FBXL2: variants seen among roughly 807,000 people sequenced by gnomAD.
FBXL2 encodes the protein F-box and leucine rich repeat protein 2, also known as F-box/LRR-repeat protein 2.
A neutral mutation model predicts 69.2 loss-of-function variants in FBXL2; 38 were observed. That is an observed-to-expected ratio of 0.55 (90% CI 0.42 to 0.72). FBXL2 has a LOEUF of 0.72. Ranked by LOEUF, FBXL2 falls within the 30% of genes least tolerant of loss-of-function variation. FBXL2 has a pLI of 0.00. For missense variants in FBXL2, 354 were observed against 520.3 expected (o/e 0.68, Z 3.11); for synonymous variants, 192 against 201.3 (o/e 0.95, Z 0.39).
chr3:33,386,955 C>A lies in FBXL2; in HGVS notation c.*1347C>A, dbSNP rs1161303759. On this transcript the variant is annotated 3_prime_UTR_variant, in exon 15 of 15. Coordinates refer to ENST00000484457, the MANE Select transcript of FBXL2 (RefSeq NM_012157.5). ...AAGCAAGATGTGTTCCCATGACTAC[C>A]AATACCTTTATTAGGCAGTTTTAGA... 1.3e-5 allele frequency: 2 copies of A among 152,088 alleles called. No individual in the cohort carries two copies. Among genetic ancestry groups the A allele is most frequent in the Non-Finnish European group, 2.9e-5 (2 of 68,014 alleles). The allele number at this position is 152,088 out of a possible 1,614,324, so 9.4% of individuals were successfully genotyped here.
At chr3:33,306,568 C>T (rs766478320) in intron 2 of FBXL2, among the ~76,000 whole-genome samples, 2 of 152,152 alleles carry the variant, frequency 1.3e-5, no homozygotes, top group Non-Finnish European at 2.9e-5. Flanking sequence ...CAGGTCCCCT[C>T]TCCATATCTT....
At chr3:33,364,851 G>A in intron 5 of FBXL2, 132 bp downstream of exon 5, 2 of 811,966 alleles carry the variant, frequency 2.5e-6, no homozygotes, top group South Asian at 3.3e-5. Context: ...GTAATGAGAG[G>A]ACCAGGACTT....
the FBXL2 span, chr3:33,409,125 TCAAACTGC>T: frequency 9.6e-7 from 1 of 1,039,620 alleles, no homozygotes; most frequent in Non-Finnish European, 1.4e-6. Flanking sequence ...GAATAACATG[TCAAACTGC>T]CACCCAATCT....
chr3:33,398,449 CTGTGTATG>C (rs1192127052), intron 12 of FBXL2: 7 of 152,210 alleles, frequency 4.6e-5, no homozygotes, highest in African/African-American at 1.7e-4. Context: ...CCAGAGAGTA[CTGTGTATG>C]TGTGTGCACA....
chr3:33,387,690 A>G lies in FBXL2; in HGVS notation c.*2082A>G, dbSNP rs2043544466. Reference sequence around the variant, plus strand: ...ATTGATTTCTTTTGAGCCAGGATACAACCTATCATCAGTCACAGCTATTGG... The same window carrying G: ...ATTGATTTCTTTTGAGCCAGGATACGACCTATCATCAGTCACAGCTATTGG... On this transcript the variant is annotated 3_prime_UTR_variant, in exon 15 of 15. Coordinates refer to ENST00000484457, the MANE Select transcript of FBXL2 (RefSeq NM_012157.5). 6.6e-6 allele frequency: 1 copy of G among 152,216 alleles called. No individual in the cohort carries two copies. Among genetic ancestry groups the G allele is most frequent in the Non-Finnish European group, 1.5e-5 (1 of 68,056 alleles). The allele number at this position is 152,216 out of a possible 1,614,324, so 9.4% of individuals were successfully genotyped here.
At chr3:33,329,606 G>A (rs983752140) in intron 2 of FBXL2, among the ~76,000 whole-genome samples, 4 of 152,206 alleles carry the variant, frequency 2.6e-5, no homozygotes, top group Middle Eastern at 3.4e-3. Flanking sequence ...AAATCCTGTC[G>A]TTTGCAGCAA....
chr3:33,364,932 TC>T (rs2041856040), intron 5 of FBXL2, among the ~76,000 whole-genome samples: 1 of 152,062 alleles, frequency 6.6e-6, no homozygotes, highest in Non-Finnish European at 1.5e-5. Flanking sequence ...ACAAATTATT[TC>T]CCCCGGCCGA....
At chr3:33,340,224 A>G (rs2039909948) in intron 2 of FBXL2, among the ~76,000 whole-genome samples, 1 of 152,126 alleles carries the variant, frequency 6.6e-6, no homozygotes, top group Non-Finnish European at 1.5e-5. Flanking sequence ...AAGTTTGTAT[A>G]TGTATTTTTA....
At chr3:33,378,297 C>T (rs1195112494) in intron 12 of FBXL2, 150 bp downstream of exon 12, 3 of 772,716 alleles carry the variant, frequency 3.9e-6, no homozygotes, top group Non-Finnish European at 6.6e-6. Context: ...AAGGCCATGG[C>T]AGTGGATGCG....
chr3:33,415,761 AAAAC>A, the FBXL2 span, among the ~76,000 whole-genome samples: 1 of 152,008 alleles, frequency 6.6e-6, no homozygotes, highest in Non-Finnish European at 1.5e-5. Context: ...AACAAAAAAA[AAAAC>A]ACAGAACAAA....
At chr3:33,310,628 AT>A (rs747159625) in intron 2 of FBXL2, among the ~76,000 whole-genome samples, 13 of 151,894 alleles carry the variant, frequency 8.6e-5, no homozygotes, top group Middle Eastern at 3.4e-3. Flanking sequence ...ATCCTTAATT[AT>A]TTTTTGTAAG....
chr3:33,366,012 A>G lies in FBXL2; in HGVS notation c.290+1293A>G, dbSNP rs961179805. Among the ~76,000 whole-genome samples the G allele has an allele frequency of 3.9e-5, 6 of 152,190 alleles. 1 individual carries two copies. The highest frequency in any genetic ancestry group is 7.4e-5 in the Non-Finnish European group (5 of 68,022). ...TTATAATTCAAACATCTGCTATACC[A>G]TTGCTGAAAAAAAATTGATTCACAA... On this transcript the variant is annotated intron_variant, in intron 5 of 14. Transcript: ENST00000484457.
At chr3:33,347,649 G>A (rs891795510) in intron 2 of FBXL2, among the ~76,000 whole-genome samples, 1 of 152,090 alleles carries the variant, frequency 6.6e-6, no homozygotes, top group Non-Finnish European at 1.5e-5. Flanking sequence ...CAGTGTGTGA[G>A]GGTTCCCTTT....
At chr3:33,416,807 T>C in the FBXL2 span, 3 of 1,613,724 alleles carry the variant, frequency 1.9e-6, no homozygotes, top group Non-Finnish European at 2.5e-6. Flanking sequence ...TTTCCGATTA[T>C]CCAGCATCCG....
intron 2 of FBXL2, among the ~76,000 whole-genome samples, chr3:33,307,678 A>G (rs576918168): frequency 1.3e-5 from 2 of 152,054 alleles, no homozygotes; most frequent in African/African-American, 4.8e-5. Context: ...CAAACATTTC[A>G]GAGAAAATGA....
chr3:33,375,688 A>T (rs1221863694), intron 10 of FBXL2, among the ~76,000 whole-genome samples: 1 of 152,174 alleles, frequency 6.6e-6, no homozygotes, highest in African/African-American at 2.4e-5. Context: ...AATTTACCTC[A>T]TCATGTTATT....
rs1205806748 is a variant in FBXL2, at chr3:33,324,115, G to A, written c.65+26390G>A. On this transcript the variant is annotated intron_variant, in intron 2 of 14. Coordinates refer to ENST00000484457, the MANE Select transcript of FBXL2 (RefSeq NM_012157.5). The stretch of plus-strand genomic sequence containing the variant: ...CCACATAAATGTCTTCTTTTGAGAA[G>A]TGTGTGTTCATATCCTTTGCCCACT... 2.6e-5 allele frequency among the ~76,000 whole-genome samples: 4 copies of A among 152,060 alleles called. No individual in the cohort carries two copies. In the South Asian group the frequency reaches 8.3e-4, roughly 32 times the overall value.
intron 1 of FBXL2, among the ~76,000 whole-genome samples, chr3:33,287,119 A>G (rs1015876699): frequency 2.6e-5 from 4 of 152,198 alleles, no homozygotes; most frequent in Admixed American, 2.6e-4. Context: ...TGGGAGCTAT[A>G]GACTGGAGCT....
At chr3:33,332,383 A>C (rs1290394008) in intron 2 of FBXL2, among the ~76,000 whole-genome samples, 3 of 152,240 alleles carry the variant, frequency 2.0e-5, no homozygotes, top group Non-Finnish European at 2.9e-5. Context: ...GTTCCTTGAA[A>C]AGTTAAACAT....
Sources: allele counts gnomAD v4.1 joint callset (sites outside exome capture counted in the v4.1 genomes callset), GRCh38; gene constraint gnomAD v4.1.1; transcripts MANE v1.5; gene names NCBI Gene and HGNC (gene_info 2026-07-23, HGNC 2026-07-21).